Variants in HS6ST3 observed in about 807,000 individuals in gnomAD.
HS6ST3 encodes heparan-sulfate 6-O-sulfotransferase 3.
A neutral mutation model predicts 36.7 loss-of-function variants in HS6ST3; 12 were observed. That is an observed-to-expected ratio of 0.33 (90% CI 0.21 to 0.53). The LOEUF is 0.53. Ranked by LOEUF, HS6ST3 falls within the 20% of genes least tolerant of loss-of-function variation. HS6ST3 has a pLI of 0.95. For missense variants in HS6ST3, 584 were observed against 640.9 expected, an observed-to-expected ratio of 0.91 and a Z score of 0.96; for synonymous variants, 240 against 257.5, an observed-to-expected ratio of 0.93 and a Z score of 0.65.
intron 1 of HS6ST3, among the ~76,000 whole-genome samples, chr13:96,363,894 G>A (rs570549154): frequency 6.6e-6 from 1 of 151,988 alleles, no homozygotes; most frequent in South Asian, 2.1e-4. Flanking sequence ...GAGAACACTC[G>A]CTATTTCTCT....
chr13:96,627,047 T>A (rs2056515145), intron 1 of HS6ST3, among the ~76,000 whole-genome samples: 2 of 152,190 alleles, frequency 1.3e-5, no homozygotes, highest in South Asian at 4.1e-4. Flanking sequence ...TTCCTTACTA[T>A]AGGCAGGGAT....
At chr13:96,335,386 C>A (rs565603373) in intron 1 of HS6ST3, among the ~76,000 whole-genome samples, 5 of 152,302 alleles carry the variant, frequency 3.3e-5, no homozygotes, top group African/African-American at 1.2e-4. Context: ...TTTGAACTGA[C>A]CTTGGTGATG....
intron 1 of HS6ST3, among the ~76,000 whole-genome samples, chr13:96,332,617 G>C (rs1354184286): frequency 6.6e-6 from 1 of 152,138 alleles, no homozygotes; most frequent in Non-Finnish European, 1.5e-5. Context: ...GGCCCTCTTT[G>C]GACATCTCAT....
Position 96,388,755 on chromosome 13 carries a change from T to A in HS6ST3, c.707+297186T>A, listed in dbSNP as rs536351415. Among the ~76,000 whole-genome samples the A allele has an allele frequency of 1.2e-4, 19 of 152,270 alleles. 1 individual carries two copies. In the South Asian group the frequency reaches 3.3e-3, roughly 27 times the overall value. On this transcript the variant is annotated intron_variant, in intron 1 of 1. Transcript: ENST00000376705. ...GGTTTCCCCTATGCTGTTGTCGTGA[T>A]AATGAGTGAGTCTCACTAGACCTAA...
chr13:96,640,418 T>G, intron 1 of HS6ST3, among the ~76,000 whole-genome samples: 1 of 152,018 alleles, frequency 6.6e-6, no homozygotes, highest in Non-Finnish European at 1.5e-5. Flanking sequence ...AATTATTTGG[T>G]TTTTGCTTGT....
chr13:96,217,410 T>G (rs1470387016), intron 1 of HS6ST3, among the ~76,000 whole-genome samples: 1 of 152,192 alleles, frequency 6.6e-6, no homozygotes. Context: ...CTGGTTCCCC[T>G]CCTTCAGAAT....
intron 1 of HS6ST3, among the ~76,000 whole-genome samples, chr13:96,794,027 T>C (rs544394512): frequency 4.0e-4 from 61 of 152,190 alleles, no homozygotes; most frequent in Non-Finnish European, 6.8e-4. Context: ...TTCTTATTGA[T>C]TGACTACTGT....
At chr13:96,138,167 T>C (rs2139315673) in intron 1 of HS6ST3, among the ~76,000 whole-genome samples, 1 of 152,294 alleles carries the variant, frequency 6.6e-6, no homozygotes, top group South Asian at 2.1e-4. Context: ...CTGTTATGAA[T>C]AGCACAGGAA....
intron 1 of HS6ST3, among the ~76,000 whole-genome samples, chr13:96,744,600 G>A (rs1455031430): frequency 6.6e-6 from 1 of 152,072 alleles, no homozygotes; most frequent in Non-Finnish European, 1.5e-5. Flanking sequence ...AGTTGGAAAG[G>A]AGCAGCTTGT....
intron 1 of HS6ST3, among the ~76,000 whole-genome samples, chr13:96,241,600 GGA>G (rs2054560275): frequency 6.6e-6 from 1 of 150,808 alleles, no homozygotes. Context: ...TATGGTCCCA[GGA>G]GATTCAATAA....
At chr13:96,138,972 C>T (rs2054016185) in intron 1 of HS6ST3, among the ~76,000 whole-genome samples, 1 of 151,808 alleles carries the variant, frequency 6.6e-6, no homozygotes, top group Non-Finnish European at 1.5e-5. Flanking sequence ...TTTATATTTT[C>T]TAAATTTAGT....
intron 1 of HS6ST3, among the ~76,000 whole-genome samples, chr13:96,793,038 A>G (rs1877828879): frequency 6.6e-6 from 1 of 151,998 alleles, no homozygotes; most frequent in African/African-American, 2.4e-5. Context: ...GTAAGTTAGA[A>G]GTATGGGGGA....
At chr13:96,281,370 C>T (rs1294534822) in intron 1 of HS6ST3, among the ~76,000 whole-genome samples, 3 of 152,108 alleles carry the variant, frequency 2.0e-5, no homozygotes, top group African/African-American at 7.2e-5. Flanking sequence ...GCCAGTTTCT[C>T]ATAAATGTGA....
intron 1 of HS6ST3, among the ~76,000 whole-genome samples, chr13:96,341,897 A>G (rs1465298186): frequency 6.6e-6 from 1 of 152,156 alleles, no homozygotes; most frequent in Non-Finnish European, 1.5e-5. Context: ...ACTTTACTAT[A>G]AAGAGTTATT....
chr13:96,577,696 A>G (rs1594810838), intron 1 of HS6ST3, among the ~76,000 whole-genome samples: 2 of 152,196 alleles, frequency 1.3e-5, no homozygotes, highest in East Asian at 1.9e-4. Flanking sequence ...ATGAACACAC[A>G]CTTCTCAAAA....
At chr13:96,246,784 A>G (rs1415283306) in intron 1 of HS6ST3, among the ~76,000 whole-genome samples, 2 of 152,134 alleles carry the variant, frequency 1.3e-5, no homozygotes, top group Admixed American at 6.5e-5. Context: ...ATAGAACTTT[A>G]GCTTCTTCCC....
At chr13:96,370,799 G>T (rs1455419177) in intron 1 of HS6ST3, among the ~76,000 whole-genome samples, 1 of 152,076 alleles carries the variant, frequency 6.6e-6, no homozygotes, top group African/African-American at 2.4e-5. Flanking sequence ...CGGGAGGCTG[G>T]GGCAGGAGAA....
At chr13:96,510,032 G>A (rs2056042785) in intron 1 of HS6ST3, among the ~76,000 whole-genome samples, 1 of 152,012 alleles carries the variant, frequency 6.6e-6, no homozygotes, top group Admixed American at 6.6e-5. Flanking sequence ...GCAGTGTTTT[G>A]TGGTTCTCCG....
At chr13:96,162,810 T>A (rs975624087) in intron 1 of HS6ST3, among the ~76,000 whole-genome samples, 9 of 152,224 alleles carry the variant, frequency 5.9e-5, no homozygotes, top group African/African-American at 1.9e-4. Context: ...TGTGTTTGGA[T>A]TATGTAGTTT....
Sources: gnomAD v4.1 joint callset for allele counts (sites outside exome capture counted in the v4.1 genomes callset) on GRCh38, gnomAD v4.1.1 for gene constraint, MANE v1.5 for transcripts, NCBI Gene and HGNC (gene_info 2026-07-23, HGNC 2026-07-21) for gene names.